The following DNAH5 variants were observed in gnomAD, a reference collection of about 807,000 sequenced individuals.
DNAH5 encodes the protein axonemal beta dynein heavy chain 5.
DNAH5 carries 372 observed loss-of-function variants against 518.2 expected under a neutral mutation model. The ratio of observed to expected loss-of-function variants is 0.72; its 90% CI spans 0.66 to 0.78. The LOEUF is 0.78. DNAH5 is among the 30% of genes least tolerant of loss of function. The probability of loss-of-function intolerance (pLI) is 0.00; values close to 1 mark genes in which losing one functional copy is unlikely to be tolerated. For missense variants in DNAH5, 5,523 were observed against 5,687.0 expected, an observed-to-expected ratio of 0.97 and a Z score of 0.93; for synonymous variants, 2,039 against 2,025.9, an observed-to-expected ratio of 1.01 and a Z score of -0.17.
intron 31 of DNAH5, among the ~76,000 whole-genome samples, chr5:13,848,436 G>A (rs1399536437): frequency 6.6e-6 from 1 of 152,200 alleles, no homozygotes; most frequent in Non-Finnish European, 1.5e-5. Context: ...TAGACCAGGG[G>A]TGGGAGTAGT....
At chr5:13,772,278 T>G (rs1254652939) in intron 55 of DNAH5, among the ~76,000 whole-genome samples, 1 of 152,232 alleles carries the variant, frequency 6.6e-6, no homozygotes, top group Admixed American at 6.5e-5. Context: ...TTCCTTGTAT[T>G]TATCATGTAA....
intron 53 of DNAH5, 35 bp from the exon 54 acceptor site, chr5:13,777,390 A>G (rs1296360245): frequency 5.0e-6 from 8 of 1,598,490 alleles, no homozygotes; most frequent in Non-Finnish European, 6.8e-6. Flanking sequence ...ATTAGCTAAA[A>G]TATTTTCATG....
chr5:13,756,781 T>C (rs771561370), intron 61 of DNAH5, among the ~76,000 whole-genome samples: 15 of 152,220 alleles, frequency 9.9e-5, no homozygotes, highest in Non-Finnish European at 2.1e-4. Flanking sequence ...GGGGGTTTGT[T>C]GTGAAGATTT....
Position 13,717,509 on chromosome 5 carries a change from C to T in DNAH5, c.12511G>A (p.Asp4171Asn). The T allele has an allele frequency of 6.2e-7, 1 of 1,614,140 alleles. No individual in the cohort carries two copies. The highest frequency in any genetic ancestry group is 1.1e-5 in the South Asian group (1 of 91,078). ...LKRTYSGVSQ[D>N]LLDVSSGSQW... ...GACCCAGAGCTCACGTCCAGCAGGT[C>T]TTGGCTGACACCTGTTGTGGTCAGT... Residue 4171 changes from aspartate (D) to asparagine (N), a missense_variant, in exon 73 of 79, where the codon GAC (aspartate) becomes AAC (asparagine). This residue lies in a region of DNAH5 where 5,121 missense variants were observed against 5,223.3 expected (regional missense o/e 0.98). Coordinates refer to ENST00000265104, the MANE Select transcript of DNAH5 (RefSeq NM_001369.3).
intron 75 of DNAH5, 71 bp from the exon 76 acceptor site, chr5:13,708,406 G>T: frequency 6.6e-7 from 1 of 1,511,064 alleles, no homozygotes; most frequent in Non-Finnish European, 9.2e-7. Context: ...GGTGCCCTGG[G>T]GCCTCTGAAC....
chr5:14,007,159 G>A (rs113601138), intron 1 of DNAH5, among the ~76,000 whole-genome samples: 3,667 of 152,270 alleles, frequency 0.024, 140 homozygotes, highest in African/African-American at 0.084. Flanking sequence ...CTTCCTTTGG[G>A]GAACATTGCT....
chr5:13,944,289 CTT>C, intron 1 of DNAH5, 91 bp downstream of exon 1: 1 of 1,259,768 alleles, frequency 7.9e-7, no homozygotes, highest in South Asian at 1.2e-5. Context: ...CAGTGTGTGA[CTT>C]TGAACCTTTT....
At chr5:13,968,439 T>C (rs552249844) in intron 1 of DNAH5, among the ~76,000 whole-genome samples, 13 of 152,316 alleles carry the variant, frequency 8.5e-5, no homozygotes, top group Non-Finnish European at 1.5e-4. Context: ...AGTATAATGT[T>C]GGCTGTGGGT....
intron 55 of DNAH5, among the ~76,000 whole-genome samples, chr5:13,775,137 T>TTG (rs1554043066): frequency 2.6e-5 from 4 of 151,444 alleles, no homozygotes; most frequent in African/African-American, 9.7e-5. Context: ...CTTTTTGTTT[T>TTG]TTTTTTTTTT....
At position 13,862,614 on chromosome 5, in the gene DNAH5, C is replaced by T. The variant is rs1292394284; in HGVS notation, c.4730G>A (p.Ser1577Asn). 3.7e-6 allele frequency: 6 copies of T among 1,613,898 alleles called. No individual in the cohort carries two copies. The African/African-American group carries it at 6.7e-5, about 18-fold the overall frequency. Residue 1577 changes from serine (S) to asparagine (N), a missense_variant, in exon 29 of 79, where the codon AGT (serine) becomes AAT (asparagine). Ser to Asn is a conservative substitution (Grantham distance 46). Around this residue, in one of 3 missense-constraint regions of DNAH5, gnomAD observed 5,121 missense variants for 5,223.3 expected, o/e 0.98. Transcript: ENST00000265104. Reference sequence around the variant, plus strand: ...CATGTTGGCGATGATTTCCGAGGTACTGTCTCCTCTCAAGAGGAGCTCTCC... The same window carrying T: ...CATGTTGGCGATGATTTCCGAGGTATTGTCTCCTCTCAAGAGGAGCTCTCC... Reference protein sequence around the residue: ...TRGELLLRGDSTSEIIANMED... With the variant: ...TRGELLLRGDNTSEIIANMED...
At chr5:13,973,788 G>A (rs114937314) in intron 1 of DNAH5, among the ~76,000 whole-genome samples, 2,085 of 151,170 alleles carry the variant, frequency 0.014, 43 homozygotes, top group African/African-American at 0.047. Context: ...GAAGGCTCTC[G>A]TGTGCGAATG....
At chr5:13,720,797 G>C (rs886708795) in intron 71 of DNAH5, among the ~76,000 whole-genome samples, 3 of 151,886 alleles carry the variant, frequency 2.0e-5, no homozygotes, top group African/African-American at 7.3e-5. Context: ...CATCCACTTT[G>C]CTATCCTTGG....
rs6886523 is a variant in DNAH5 at position 13,866,548 on chromosome 5, G to C, written c.4054-266C>G. On this transcript the variant is annotated intron_variant, in intron 25 of 78. Coordinates refer to ENST00000265104, the MANE Select transcript of DNAH5 (RefSeq NM_001369.3). ...TTATTCATTTCTTAGGTAACACAGG[G>C]AAAGAGGAGTCAATGCCTGTTCTAT... Among the ~76,000 whole-genome samples the C allele has an allele frequency of 0.4, 60,136 of 151,966 alleles. 12,254 individuals are homozygous for C. Among genetic ancestry groups the C allele is most frequent in the South Asian group, 0.46 (2,236 of 4,814 alleles).
chr5:13,804,131 T>A (rs1759202837), intron 47 of DNAH5, among the ~76,000 whole-genome samples: 1 of 152,174 alleles, frequency 6.6e-6, no homozygotes. Flanking sequence ...AAATGAGGAA[T>A]CTTTCTTAAA....
chr5:13,805,680 C>T (rs1759476543), intron 47 of DNAH5, among the ~76,000 whole-genome samples: 1 of 152,078 alleles, frequency 6.6e-6, no homozygotes, highest in African/African-American at 2.4e-5. Flanking sequence ...CATTTGAGAC[C>T]CTCCCAAACC....
intron 65 of DNAH5, among the ~76,000 whole-genome samples, chr5:13,748,671 C>T (rs893553316): frequency 4.6e-5 from 7 of 152,104 alleles, no homozygotes; most frequent in African/African-American, 1.7e-4. Flanking sequence ...CATGATTTGG[C>T]TCTCTGTTTG....
At chr5:13,890,132 C>A (rs1191130630) in intron 17 of DNAH5, among the ~76,000 whole-genome samples, 1 of 152,128 alleles carries the variant, frequency 6.6e-6, no homozygotes, top group African/African-American at 2.4e-5. Flanking sequence ...AAGGGCCGGG[C>A]GCAGTGGCTC....
At chr5:13,937,113 T>C (rs1225823768) in intron 1 of DNAH5, among the ~76,000 whole-genome samples, 1 of 151,726 alleles carries the variant, frequency 6.6e-6, no homozygotes, top group African/African-American at 2.4e-5. Context: ...AGCACACAAC[T>C]AAGAAAGTGG....
At chr5:13,862,063 T>TA (rs1394104906) in intron 29 of DNAH5, among the ~76,000 whole-genome samples, 10 of 151,820 alleles carry the variant, frequency 6.6e-5, no homozygotes, top group Non-Finnish European at 1.2e-4. Context: ...CAGATATTGG[T>TA]AAAAAAGGTT....
Sources: gnomAD v4.1 joint callset for allele counts (sites outside exome capture counted in the v4.1 genomes callset) on GRCh38, gnomAD v4.1.1 for gene constraint, gnomAD v4.1.1 regional missense constraint, MANE v1.5 for transcripts, NCBI Gene and HGNC (gene_info 2026-07-23, HGNC 2026-07-21) for gene names.